Variants in LIMCH1 observed in about 807,000 individuals in gnomAD.
LIMCH1 encodes the protein LIM and calponin homology domains 1.
In LIMCH1, 113 loss-of-function variants were observed where a neutral mutation model predicts 176.5. The observed-to-expected ratio is 0.64, with a 90% CI of 0.55 to 0.75. LIMCH1 has a LOEUF of 0.75. Ranked by LOEUF, LIMCH1 falls within the 30% of genes least tolerant of loss-of-function variation. The pLI is 0.00. For synonymous variants in LIMCH1, 619 were observed against 645.9 expected (o/e 0.96, Z 0.63); for missense variants, 1,674 against 1,814.9 (o/e 0.92, Z 1.41).
At chr4:41,539,318 G>T (rs534613866) in intron 1 of LIMCH1, among the ~76,000 whole-genome samples, 2 of 152,096 alleles carry the variant, frequency 1.3e-5, no homozygotes, top group African/African-American at 2.4e-5. Context: ...CAGCAGTCCC[G>T]GGAGAAGGGG....
intron 1 of LIMCH1, among the ~76,000 whole-genome samples, chr4:41,469,471 ACT>A (rs35590516): frequency 0.093 from 14,077 of 152,008 alleles, 1,228 homozygotes; most frequent in African/African-American, 0.22. Flanking sequence ...GAGGAAGGTG[ACT>A]CTCAGTGCGG....
intron 2 of LIMCH1, among the ~76,000 whole-genome samples, chr4:41,509,539 G>C (rs2074596759): frequency 6.6e-6 from 1 of 152,146 alleles, no homozygotes; most frequent in African/African-American, 2.4e-5. Flanking sequence ...CCTGTCTCCA[G>C]CTGTTTGGCA....
chr4:41,527,840 A>C (rs978985061), intron 3 of LIMCH1, among the ~76,000 whole-genome samples: 14 of 150,984 alleles, frequency 9.3e-5, no homozygotes, highest in Non-Finnish European at 1.8e-4. Flanking sequence ...AAAAAAAAAA[A>C]AAAAAAAAAC....
chr4:41,646,774 A>T lies in LIMCH1; in HGVS notation c.2701A>T (p.Ser901Cys), dbSNP rs761835199. 4 of 1,614,202 alleles carry T rather than the reference A, an allele frequency of 2.5e-6. No homozygotes were observed. In the South Asian group the frequency reaches 4.4e-5, roughly 18 times the overall value. The change falls in exon 17 of 32, where the codon AGC becomes TGC. Residue 901 changes from serine (S) to cysteine (C), a missense_variant. Physicochemically the swap from Ser to Cys is moderately radical, Grantham distance 112. Around this residue, in one of 3 missense-constraint regions of LIMCH1, gnomAD observed 1,015 missense variants for 1,102.5 expected, o/e 0.92. Coordinates refer to ENST00000503057, the MANE Select transcript of LIMCH1 (RefSeq NM_001330672.2). ...TGCTCGTGCCAGTGTTCTGGATACC[A>T]GCATGTCAGCAGGCAGTGGGTCTCC... The part of the protein sequence containing the change: ...TIARASVLDT[S>C]MSAGSGSPSK...
intron 1 of LIMCH1, among the ~76,000 whole-genome samples, chr4:41,556,102 G>A (rs36066394): frequency 0.1 from 15,352 of 151,886 alleles, 863 homozygotes; most frequent in South Asian, 0.17. Flanking sequence ...ATGTAGAGCA[G>A]AAATCTGGAA....
At chr4:41,400,113 T>G (rs1236717906) in intron 1 of LIMCH1, among the ~76,000 whole-genome samples, 1 of 152,018 alleles carries the variant, frequency 6.6e-6, no homozygotes, top group Non-Finnish European at 1.5e-5. Flanking sequence ...GGACCAAGAC[T>G]GTGCCCCTAA....
chr4:41,419,188 A>ATTTTATTTTATTTTATTTTATT (rs113387505), intron 1 of LIMCH1, among the ~76,000 whole-genome samples: 4 of 78,112 alleles, frequency 5.1e-5, no homozygotes, highest in African/African-American at 1.6e-4. Flanking sequence ...ATTTAATTTT[A>ATTTTATTTTATTTTATTTTATT]TTATTTTGAG....
At chr4:41,403,743 G>A (rs185261007) in intron 1 of LIMCH1, among the ~76,000 whole-genome samples, 7 of 152,110 alleles carry the variant, frequency 4.6e-5, no homozygotes, top group African/African-American at 1.7e-4. Flanking sequence ...AATTCCCATA[G>A]CAAGCCTCAT....
intron 1 of LIMCH1, among the ~76,000 whole-genome samples, chr4:41,560,616 T>C (rs1430656133): frequency 6.6e-6 from 1 of 152,202 alleles, no homozygotes. Flanking sequence ...CTGGGCATGA[T>C]GGCTCACGCC....
chr4:41,489,031 C>G (rs2070244010), intron 1 of LIMCH1, among the ~76,000 whole-genome samples: 1 of 152,092 alleles, frequency 6.6e-6, no homozygotes, highest in Non-Finnish European at 1.5e-5. Flanking sequence ...AGGGATTTAT[C>G]AAGTTCATCT....
intron 1 of LIMCH1, among the ~76,000 whole-genome samples, chr4:41,392,114 A>G (rs963595223): frequency 6.6e-6 from 1 of 152,198 alleles, no homozygotes; most frequent in Non-Finnish European, 1.5e-5. Context: ...ATTAGGGCAG[A>G]TTACTGTTTT....
chr4:41,477,909 G>T (rs569578300), intron 1 of LIMCH1, among the ~76,000 whole-genome samples: 72 of 152,168 alleles, frequency 4.7e-4, no homozygotes, highest in Non-Finnish European at 7.6e-4. Context: ...GGCATGTGGG[G>T]ATCACAGCTA....
intron 2 of LIMCH1, among the ~76,000 whole-genome samples, chr4:41,501,886 T>TTA (rs1491160799): frequency 3.1e-5 from 3 of 97,944 alleles, no homozygotes; most frequent in Non-Finnish European, 5.9e-5. Flanking sequence ...TTTTTTTTTT[T>TTA]AAAAAAAACC....
chr4:41,584,661 G>A (rs1413821015), intron 1 of LIMCH1, among the ~76,000 whole-genome samples: 1 of 151,924 alleles, frequency 6.6e-6, no homozygotes, highest in Non-Finnish European at 1.5e-5. Context: ...TCTGTGATGT[G>A]TTTATTGCTG....
At chr4:41,360,280 G>A (rs1437990103), upstream of LIMCH1, among the ~76,000 whole-genome samples, 1 of 152,074 alleles carries the variant, frequency 6.6e-6, no homozygotes, top group East Asian at 1.9e-4. This position sits in a 1 kb window ranked among gnomAD's most constrained non-coding sequence, Gnocchi z 4.5. Flanking sequence ...TACCTCTGCG[G>A]CCAGGAAGGA....
rs756448368 is a variant in LIMCH1 at position 41,684,509 on chromosome 4, C to A, written c.3958C>A (p.Leu1320Ile). 3.7e-6 allele frequency: 6 copies of A among 1,613,502 alleles called. No homozygotes were observed. The highest frequency in any genetic ancestry group is 5.1e-6 in the Non-Finnish European group (6 of 1,179,682). ...CCCACACTGTGGAACAAACCCACAG[C>A]TTGCTCAGGGTAAGAATGGAGAAGA... ...GAPHCGTNPQ[L>I]AQDPSQNQQT... The change falls in exon 27 of 32, where the codon CTT becomes ATT. Residue 1320 changes from leucine to isoleucine, a missense_variant. By Grantham distance (5) the Leu-to-Ile change is conservative. Coordinates refer to ENST00000503057, the MANE Select transcript of LIMCH1 (RefSeq NM_001330672.2).
intron 7 of LIMCH1, among the ~76,000 whole-genome samples, chr4:41,622,290 G>A (rs1450086251): frequency 6.6e-6 from 1 of 152,062 alleles, no homozygotes; most frequent in East Asian, 1.9e-4. Context: ...ATAGTGAGGG[G>A]AATACTATCT....
At chr4:41,629,776 G>T in intron 9 of LIMCH1, 42 bp downstream of exon 9, 1 of 1,501,628 alleles carries the variant, frequency 6.7e-7, no homozygotes, top group South Asian at 1.3e-5. Context: ...GGCAGTCATG[G>T]TATTTCATTT....
chr4:41,542,780 T>A (rs1277945734), intron 1 of LIMCH1, among the ~76,000 whole-genome samples: 1 of 152,224 alleles, frequency 6.6e-6, no homozygotes, highest in Non-Finnish European at 1.5e-5. Flanking sequence ...AGTCAGAGGA[T>A]GGTCTTATAT....
Sources: gnomAD v4.1 joint callset for allele counts (sites outside exome capture counted in the v4.1 genomes callset) on GRCh38, gnomAD v4.1.1 for gene constraint, gnomAD v4.1.1 regional missense constraint, Gnocchi (gnomAD v3.1) non-coding constraint, MANE v1.5 for transcripts, NCBI Gene and HGNC (gene_info 2026-07-23, HGNC 2026-07-21) for gene names.